Variants in NID1 observed in about 807,000 individuals in gnomAD.
The protein encoded by NID1 is nidogen 1, also known as nidogen-1.
Under a neutral mutation model 130.6 loss-of-function variants are expected in NID1, and 76 were observed. The ratio of observed to expected loss-of-function variants is 0.58; its 90% confidence interval spans 0.48 to 0.70. The LOEUF is 0.70. Among genes scored for constraint, NID1 ranks in the 30% least tolerant of loss-of-function variants. NID1 has a pLI of 0.00. For missense variants in NID1, 1,517 were observed against 1,664.8 expected (o/e 0.91, Z 1.54); for synonymous variants, 665 against 675.1 (o/e 0.98, Z 0.23).
At chr1:236,052,486 G>C (rs969859690) in intron 1 of NID1, among the ~76,000 whole-genome samples, 3 of 152,226 alleles carry the variant, frequency 2.0e-5, no homozygotes, top group Non-Finnish European at 4.4e-5. Flanking sequence ...AAACCTGGAA[G>C]TGGGTCCTGG....
At chr1:236,021,440 C>T (rs1658760728) in intron 9 of NID1, among the ~76,000 whole-genome samples, 1 of 152,228 alleles carries the variant, frequency 6.6e-6, no homozygotes, top group South Asian at 2.1e-4. Flanking sequence ...GTATTTCAGA[C>T]ACCCTGACAG....
chr1:235,987,301 T>C lies in NID1; in HGVS notation c.2929-1796A>G, dbSNP rs184788851. Among the ~76,000 whole-genome samples the C allele has an allele frequency of 2.6e-3, 394 of 152,316 alleles. 1 individual carries two copies. Among genetic ancestry groups the C allele is most frequent in the Non-Finnish European group, 4.1e-3 (282 of 68,012 alleles). On this transcript the variant is annotated intron_variant, in intron 14 of 19. Coordinates refer to ENST00000264187, the MANE Select transcript of NID1 (RefSeq NM_002508.3). ...GCTTAACTTCTCTAAAGCAACCACC[T>C]CAAAACAAGCCATCTGCCCATAGGT...
rs570397362 is a variant in NID1, at chr1:236,019,753, C to T, written c.2129-2480G>A. Among the ~76,000 whole-genome samples, 14 of 152,216 alleles carry T rather than the reference C, an allele frequency of 9.2e-5. No homozygotes were observed. The South Asian group carries it at 2.9e-3, about 32-fold the overall frequency. Reference sequence around the variant, plus strand: ...TCCTAATGTATAATTTAAATCTTCTCTTCTAGGACCAGGCACGGTGGCTCA... The same window carrying T: ...TCCTAATGTATAATTTAAATCTTCTTTTCTAGGACCAGGCACGGTGGCTCA... On this transcript the variant is annotated intron_variant, in intron 9 of 19. Transcript: ENST00000264187.
chr1:235,987,064 C>T (rs1227425248), intron 14 of NID1, among the ~76,000 whole-genome samples: 1 of 152,220 alleles, frequency 6.6e-6, no homozygotes, highest in Non-Finnish European at 1.5e-5. Flanking sequence ...TAACATTTTA[C>T]ATGTGATTTG....
Position 235,999,121 on chromosome 1 carries a change from A to G in NID1, c.2528-5249T>C, listed in dbSNP as rs78096435. ...GCTCATTCACCAAAATTACCTGTGCATCCAGAGCCCCATTTTCCTACCAAT... is the reference window on the plus strand; with the variant it reads ...GCTCATTCACCAAAATTACCTGTGCGTCCAGAGCCCCATTTTCCTACCAAT... On this transcript the variant is annotated intron_variant, in intron 12 of 19. Coordinates refer to ENST00000264187, the MANE Select transcript of NID1 (RefSeq NM_002508.3). Among the ~76,000 whole-genome samples, 4 of 152,380 alleles carry G rather than the reference A, an allele frequency of 2.6e-5. No homozygotes were observed. In the East Asian group the frequency reaches 7.7e-4, roughly 29 times the overall value.
At chr1:236,057,336 C>G (rs543704653) in intron 1 of NID1, among the ~76,000 whole-genome samples, 2 of 152,082 alleles carry the variant, frequency 1.3e-5, no homozygotes, top group African/African-American at 4.8e-5. Context: ...GAGAAATGTG[C>G]CAGAAAAAAA....
chr1:236,062,945 G>A (rs1660082283), intron 1 of NID1, among the ~76,000 whole-genome samples: 1 of 150,950 alleles, frequency 6.6e-6, no homozygotes, highest in Non-Finnish European at 1.5e-5. Context: ...CACGAGGTCA[G>A]GAGTTCAAGA....
chr1:236,033,138 T>A (rs1315141868), intron 5 of NID1, among the ~76,000 whole-genome samples: 1 of 152,056 alleles, frequency 6.6e-6, no homozygotes. Context: ...CGAAACCCTG[T>A]CTCTACTAAA....
chr1:236,020,577 C>T (rs772070782), intron 9 of NID1, among the ~76,000 whole-genome samples: 13 of 152,104 alleles, frequency 8.5e-5, no homozygotes, highest in Non-Finnish European at 2.9e-5. Flanking sequence ...CACTGTGCGA[C>T]GTCTCACCAA....
rs16833183 is a variant in NID1, at chr1:236,042,140, C to G, written c.905G>C (p.Arg302Pro). The G allele has an allele frequency of 8.7e-6, 14 of 1,613,968 alleles. No homozygotes were observed. Among genetic ancestry groups the G allele is most frequent in the African/African-American group, 8.0e-5 (6 of 74,872 alleles). The change falls in exon 4 of 20, where the codon CGT (arginine) becomes CCT (proline). Residue 302 changes from arginine (R) to proline (P), a missense_variant. By Grantham distance (103) the Arg-to-Pro change is moderately radical. Around this residue, in one of 3 missense-constraint regions of NID1, gnomAD observed 1,329 missense variants for 1,429.2 expected, o/e 0.93. Transcript: ENST00000264187. ...EDEDYDLATT[R>P]LGLEDVGTTP... ...GGTGCCCACATCCTCCAGGCCCAGA[C>G]GAGTGGTCGCCAGGTCATAATCTTC...
At chr1:235,992,827 T>C (rs140005662) in intron 13 of NID1, among the ~76,000 whole-genome samples, 196 of 152,350 alleles carry the variant, frequency 1.3e-3, no homozygotes, top group African/African-American at 4.4e-3. Flanking sequence ...TCAATGATTA[T>C]TAGCTAAATT....
intron 4 of NID1, among the ~76,000 whole-genome samples, chr1:236,039,066 A>T (rs1384064835): frequency 1.4e-5 from 2 of 138,124 alleles, no homozygotes; most frequent in South Asian, 2.2e-4. Flanking sequence ...TTATATATAC[A>T]TTATATATAT....
At chr1:236,001,609 C>T (rs924687621) in intron 12 of NID1, among the ~76,000 whole-genome samples, 2 of 152,160 alleles carry the variant, frequency 1.3e-5, no homozygotes, top group Non-Finnish European at 2.9e-5. Context: ...ACAGCAATAA[C>T]GGTGATAACA....
intron 12 of NID1, among the ~76,000 whole-genome samples, chr1:236,004,042 A>AG (rs560058405): frequency 4.6e-5 from 7 of 151,478 alleles, no homozygotes; most frequent in Admixed American, 2.0e-4. Context: ...CAAAAAAAAA[A>AG]AAAAAAACAA....
intron 12 of NID1, among the ~76,000 whole-genome samples, chr1:235,998,675 C>CAA (rs35124724): frequency 2.8e-4 from 40 of 144,868 alleles, no homozygotes; most frequent in East Asian, 2.2e-3. Context: ...AACTCTGTCT[C>CAA]AAAAAAAAAA....
Position 236,031,205 on chromosome 1 carries a change from G to A in NID1, c.1537+1196C>T, listed in dbSNP as rs543789587. Among the ~76,000 whole-genome samples the A allele has an allele frequency of 3.3e-5, 5 of 151,632 alleles. No homozygotes were observed. The South Asian group carries it at 6.2e-4, about 19-fold the overall frequency. On this transcript the variant is annotated intron_variant, in intron 6 of 19. Coordinates refer to ENST00000264187, the MANE Select transcript of NID1 (RefSeq NM_002508.3). ...ACGATCTCGGCTCACTGCAACCTCC[G>A]CCTCCTGGGTTCACACCATTCTCCT...
intron 10 of NID1, among the ~76,000 whole-genome samples, chr1:236,016,295 C>T (rs779134765): frequency 6.6e-6 from 1 of 152,114 alleles, no homozygotes; most frequent in Non-Finnish European, 1.5e-5. Flanking sequence ...AAGACACCAC[C>T]TCACCCCACG....
At chr1:236,022,025 G>A (rs757362398) in intron 9 of NID1, among the ~76,000 whole-genome samples, 13 of 152,080 alleles carry the variant, frequency 8.5e-5, no homozygotes, top group Non-Finnish European at 8.8e-5. Flanking sequence ...AGAAAAGAGC[G>A]TTGCGAGGCC....
intron 1 of NID1, among the ~76,000 whole-genome samples, chr1:236,053,959 G>A (rs1001754052): frequency 6.6e-6 from 1 of 152,192 alleles, no homozygotes; most frequent in African/African-American, 2.4e-5. Context: ...TGCATAACTT[G>A]AATTCAGTCA....
Sources: allele counts gnomAD v4.1 joint callset (sites outside exome capture counted in the v4.1 genomes callset), GRCh38; gene constraint gnomAD v4.1.1; regional missense constraint gnomAD v4.1.1; transcripts MANE v1.5; gene names NCBI Gene and HGNC (gene_info 2026-07-23, HGNC 2026-07-21).